CAMK2A: variants seen among roughly 807,000 people sequenced by gnomAD.
CAMK2A encodes the protein calcium/calmodulin dependent protein kinase II alpha.
CAMK2A carries 7 observed loss-of-function variants against 79.2 expected under a neutral mutation model. The ratio of observed to expected loss-of-function variants is 0.09; its 90% CI spans 0.05 to 0.17. The LOEUF is 0.17. CAMK2A is among the 10% of genes least tolerant of loss of function. CAMK2A has a pLI of 1.00. For synonymous variants in CAMK2A, 242 were observed against 251.7 expected (o/e 0.96, Z 0.36); for missense variants, 214 against 646.4 (o/e 0.33, Z 7.25).
At chr5:150,230,686 G>T (rs995039248) in intron 16 of CAMK2A, among the ~76,000 whole-genome samples, 3 of 152,242 alleles carry the variant, frequency 2.0e-5, no homozygotes, top group Non-Finnish European at 4.4e-5. Flanking sequence ...AGGGTGCTCT[G>T]GCTCAGCCCA....
chr5:150,225,405 C>G (rs916783508), intron 17 of CAMK2A, among the ~76,000 whole-genome samples: 2 of 152,216 alleles, frequency 1.3e-5, no homozygotes, highest in African/African-American at 4.8e-5. Flanking sequence ...AGCACTTACT[C>G]TGGGTCTGCC....
chr5:150,245,039 G>T, intron 13 of CAMK2A, 122 bp downstream of exon 13: 1 of 930,080 alleles, frequency 1.1e-6, no homozygotes, highest in Non-Finnish European at 1.7e-6. Flanking sequence ...CCACAAATGT[G>T]GCCCACGTCT....
chr5:150,283,216 G>A (rs552168748), intron 1 of CAMK2A, among the ~76,000 whole-genome samples: 141 of 152,288 alleles, frequency 9.3e-4, no homozygotes, highest in Non-Finnish European at 1.8e-3. Context: ...TTGGGGTCAG[G>A]CTGAACAGGC....
chr5:150,280,388 T>C (rs2150308455), intron 1 of CAMK2A, among the ~76,000 whole-genome samples: 1 of 152,280 alleles, frequency 6.6e-6, no homozygotes, highest in Non-Finnish European at 1.5e-5. Context: ...TCAGGTCTCC[T>C]TCCTTCCAGA....
chr5:150,248,834 C>A (rs1179477746), intron 11 of CAMK2A, among the ~76,000 whole-genome samples: 2 of 151,998 alleles, frequency 1.3e-5, no homozygotes, highest in Non-Finnish European at 2.9e-5. Flanking sequence ...GATTTATAAT[C>A]TTTTGAATCC....
At chr5:150,278,199 T>G (rs963198294) in intron 1 of CAMK2A, among the ~76,000 whole-genome samples, 8 of 151,674 alleles carry the variant, frequency 5.3e-5, no homozygotes, top group Non-Finnish European at 1.2e-4. Flanking sequence ...ACATGAGACA[T>G]AGTTGGGAAA....
At chr5:150,239,610 C>T (rs1448843739) in intron 14 of CAMK2A, 94 bp downstream of exon 14, 12 of 1,182,866 alleles carry the variant, frequency 1.0e-5, no homozygotes, top group Admixed American at 3.4e-5. Context: ...ACCCTCTCCC[C>T]GCCCCAGGTT....
Position 150,251,861 on chromosome 5 carries a change from A to G in CAMK2A, c.599-17T>C. The G allele has an allele frequency of 6.3e-7, 1 of 1,585,768 alleles. No individual in the cohort carries two copies. The highest frequency in any genetic ancestry group is 8.6e-7 in the Non-Finnish European group (1 of 1,162,274). On this transcript the variant is annotated splice_polypyrimidine_tract_variant and intron_variant, in intron 8 of 18. Coordinates refer to ENST00000671881, the MANE Select transcript of CAMK2A (RefSeq NM_015981.4). ...GGATGACCCCTGGAAAGAGGACCAGAGAACCTTCAACCCCCTGTGGGGAGG... is the reference window on the plus strand; with the variant it reads ...GGATGACCCCTGGAAAGAGGACCAGGGAACCTTCAACCCCCTGTGGGGAGG...
chr5:150,230,104 G>T (rs1327119824), intron 16 of CAMK2A, among the ~76,000 whole-genome samples: 1 of 152,020 alleles, frequency 6.6e-6, no homozygotes, highest in African/African-American at 2.4e-5. Context: ...TGGATCATGA[G>T]GCCAGGAGTT....
Position 150,222,669 on chromosome 5 carries a change from A to G in CAMK2A, c.*41T>C. 1 of 1,612,076 alleles carries G rather than the reference A, an allele frequency of 6.2e-7. No individual in the cohort carries two copies. The highest frequency in any genetic ancestry group is 8.5e-7 in the Non-Finnish European group (1 of 1,178,252). Reference sequence around the variant, plus strand: ...CAGCTCCACTCCACGGACAGAGTGGATCTCTGCGGCACAGCAACGCAGCGA... The same window carrying G: ...CAGCTCCACTCCACGGACAGAGTGGGTCTCTGCGGCACAGCAACGCAGCGA... On this transcript the variant is annotated 3_prime_UTR_variant, in exon 19 of 19. Coordinates refer to ENST00000671881, the MANE Select transcript of CAMK2A (RefSeq NM_015981.4).
intron 12 of CAMK2A, 34 bp downstream of exon 12, chr5:150,247,738 G>A (rs762777854): frequency 1.9e-6 from 3 of 1,588,872 alleles, no homozygotes; most frequent in Admixed American, 3.5e-5. Context: ...ACTGGTGCAG[G>A]GCTTACTGGG....
chr5:150,280,375 C>T (rs1337701334), intron 1 of CAMK2A, among the ~76,000 whole-genome samples: 5 of 152,312 alleles, frequency 3.3e-5, no homozygotes, highest in African/African-American at 7.2e-5. Flanking sequence ...TCCTCAAACA[C>T]GCTCAGGTCT....
chr5:150,279,723 A>G (rs1757130402), intron 1 of CAMK2A, among the ~76,000 whole-genome samples: 1 of 152,222 alleles, frequency 6.6e-6, no homozygotes, highest in South Asian at 2.1e-4. Context: ...GACGAGCAGG[A>G]GTGTGGGCAG....
At position 150,244,885 on chromosome 5, in the gene CAMK2A, T is replaced by C. The variant is rs111643148; in HGVS notation, c.984+276A>G. Among the ~76,000 whole-genome samples the C allele has an allele frequency of 4.5e-3, 680 of 152,266 alleles. 6 individuals carry two copies. Among genetic ancestry groups the C allele is most frequent in the African/African-American group, 0.016 (659 of 41,546 alleles). On this transcript the variant is annotated intron_variant, in intron 13 of 18. Coordinates refer to ENST00000671881, the MANE Select transcript of CAMK2A (RefSeq NM_015981.4). Reference sequence around the variant, plus strand: ...GAACCACAGAAATCTCCTTCTGACCTGCCCCTTTCCTTGCGCCTGCCCCCA... The same window carrying C: ...GAACCACAGAAATCTCCTTCTGACCCGCCCCTTTCCTTGCGCCTGCCCCCA...
At chr5:150,280,218 G>C (rs1171028892) in intron 1 of CAMK2A, among the ~76,000 whole-genome samples, 2 of 152,206 alleles carry the variant, frequency 1.3e-5, no homozygotes, top group Admixed American at 6.5e-5. Flanking sequence ...ACATCTGTGA[G>C]TCTCAGCAAA....
Position 150,228,229 on chromosome 5 carries a change from A to C in CAMK2A, c.1200T>G (p.Val400=). 1 of 1,613,958 alleles carries C rather than the reference A, an allele frequency of 6.2e-7. No homozygotes were observed. The highest frequency in any genetic ancestry group is 8.5e-7 in the Non-Finnish European group (1 of 1,179,940). ...AGAATCGATGGAAGTCCAGGCCCTCAACCAGGTTCCCCAGGGCCTCAGGTT... is the reference window on the plus strand; with the variant it reads ...AGAATCGATGGAAGTCCAGGCCCTCCACCAGGTTCCCCAGGGCCTCAGGTT... The part of the protein sequence containing the change: ...AFEPEALGNL[V]EGLDFHRFYF... The change falls in exon 17 of 19, where the codon GTT becomes GTG. Residue 400 remains valine, a synonymous_variant. Transcript: ENST00000671881.
chr5:150,276,450 G>C (rs937468731), intron 1 of CAMK2A, among the ~76,000 whole-genome samples: 1 of 152,202 alleles, frequency 6.6e-6, no homozygotes, highest in Admixed American at 6.5e-5. Context: ...GACAGGAGAA[G>C]AGATTTTCAG....
chr5:150,244,443 G>C (rs968809791), intron 13 of CAMK2A, among the ~76,000 whole-genome samples: 2 of 152,254 alleles, frequency 1.3e-5, no homozygotes, highest in Non-Finnish European at 2.9e-5. Flanking sequence ...AAAAAGGCAG[G>C]GTCTCAAGAG....
rs1254135539 is a variant in CAMK2A at position 150,220,223 on chromosome 5, GC to G, written c.*2486del. 1.3e-5 allele frequency: 2 copies of G among 152,310 alleles called. No homozygotes were observed. Among genetic ancestry groups the G allele is most frequent in the Non-Finnish European group, 2.9e-5 (2 of 68,076 alleles). The allele number at this position is 152,310 out of a possible 1,614,324, so 9.4% of individuals were successfully genotyped here. ...AAGCTCCAAAGAGGGAAAGGAACTT[GC>G]CCAAGGTCACACAGCAAGTCTGGTC... On this transcript the variant is annotated 3_prime_UTR_variant, in exon 19 of 19. Transcript: ENST00000671881.
Sources: allele counts gnomAD v4.1 joint callset (sites outside exome capture counted in the v4.1 genomes callset), GRCh38; gene constraint gnomAD v4.1.1; transcripts MANE v1.5; gene names NCBI Gene and HGNC (gene_info 2026-07-23, HGNC 2026-07-21).